The following EPHA6 variants were observed in gnomAD, a reference collection of about 807,000 sequenced individuals.
EPHA6 encodes ephrin type-A receptor 6.
EPHA6 carries 50 observed loss-of-function variants against 112.0 expected under a neutral mutation model. The ratio of observed to expected loss-of-function variants is 0.45; its 90% confidence interval spans 0.36 to 0.56. The LOEUF (loss-of-function observed/expected upper bound fraction) is 0.56. Ranked by LOEUF, EPHA6 falls within the 20% of genes least tolerant of loss-of-function variation. The pLI is 0.00. For missense variants in EPHA6, 1,280 were observed against 1,417.4 expected (o/e 0.90, Z 1.56); for synonymous variants, 529 against 490.7 (o/e 1.08, Z -1.03).
At chr3:97,722,299 G>A (rs891954946) in intron 15 of EPHA6, among the ~76,000 whole-genome samples, 6 of 152,136 alleles carry the variant, frequency 3.9e-5, no homozygotes, top group African/African-American at 1.4e-4. Flanking sequence ...ACTATTTAGT[G>A]AATGCCTTCT....
intron 5 of EPHA6, among the ~76,000 whole-genome samples, chr3:97,395,527 G>C (rs949521058): frequency 2.6e-5 from 4 of 151,776 alleles, no homozygotes; most frequent in Non-Finnish European, 5.9e-5. Flanking sequence ...AAGAAACACT[G>C]TTGTGTGCTT....
rs554367421 is a variant in EPHA6, at chr3:96,929,655, C to T, written c.451-57675C>T. Reference sequence around the variant, plus strand: ...GGCCTTTCTTTCTGGCTGCTCTTAACATTTTTTCTTTCATTTCAACCTTGA... The same window carrying T: ...GGCCTTTCTTTCTGGCTGCTCTTAATATTTTTTCTTTCATTTCAACCTTGA... On this transcript the variant is annotated intron_variant, in intron 2 of 17. Coordinates refer to ENST00000389672, the MANE Select transcript of EPHA6 (RefSeq NM_001080448.3). 1.0e-3 allele frequency among the ~76,000 whole-genome samples: 156 copies of T among 152,236 alleles called. 1 individual carries two copies. The highest frequency in any genetic ancestry group is 1.6e-3 in the Non-Finnish European group (110 of 68,024).
intron 8 of EPHA6, among the ~76,000 whole-genome samples, chr3:97,476,429 G>A (rs901058151): frequency 1.3e-5 from 2 of 152,032 alleles, no homozygotes; most frequent in African/African-American, 2.4e-5. Flanking sequence ...CACCAACCCT[G>A]CCAGAAAACA....
chr3:97,522,340 T>C (rs1023853905), intron 10 of EPHA6, among the ~76,000 whole-genome samples: 20 of 152,230 alleles, frequency 1.3e-4, no homozygotes, highest in African/African-American at 4.8e-4. Flanking sequence ...GTTAATACAG[T>C]GTGTCACATT....
intron 2 of EPHA6, among the ~76,000 whole-genome samples, chr3:96,977,885 A>G (rs1178379117): frequency 6.6e-6 from 1 of 152,168 alleles, no homozygotes; most frequent in Admixed American, 6.6e-5. Flanking sequence ...ATAGCTGGGC[A>G]TGCTGCCTCA....
At chr3:97,484,092 A>T (rs1560057375) in intron 10 of EPHA6, 33 bp downstream of exon 10, 2 of 1,568,674 alleles carry the variant, frequency 1.3e-6, no homozygotes, top group East Asian at 4.6e-5. Context: ...TGAACAAAAC[A>T]TTCCTTAATT....
intron 2 of EPHA6, among the ~76,000 whole-genome samples, chr3:96,944,665 A>G (rs558199644): frequency 2.7e-4 from 41 of 152,332 alleles, no homozygotes; most frequent in Non-Finnish European, 5.3e-4. Context: ...TCTCATCTGT[A>G]AAATAACTCG....
In EPHA6 at chr3:97,679,745, C is replaced by T. The variant is rs1222488997; in HGVS notation, c.2785-40516C>T. 3.9e-5 allele frequency among the ~76,000 whole-genome samples: 6 copies of T among 152,118 alleles called. No homozygotes were observed. The East Asian group carries it at 7.7e-4, about 20-fold the overall frequency. ...CTTCAATATACCAAAATACATTTCC[C>T]GGAAAAATTCTTCCCTGGGACACCC... On this transcript the variant is annotated intron_variant, in intron 14 of 17. Coordinates refer to ENST00000389672, the MANE Select transcript of EPHA6 (RefSeq NM_001080448.3).
chr3:97,080,205 T>C (rs1045356968), intron 3 of EPHA6, among the ~76,000 whole-genome samples: 1 of 152,120 alleles, frequency 6.6e-6, no homozygotes, highest in Non-Finnish European at 1.5e-5. Flanking sequence ...CGAAATAATG[T>C]AACCTTCCCA....
Position 97,648,500 on chromosome 3 carries a change from A to G in EPHA6, c.2784+10418A>G, listed in dbSNP as rs370888200. On this transcript the variant is annotated intron_variant, in intron 14 of 17. Transcript: ENST00000389672. ...ATTTAGGTGTTTGTGAATTGGCTTG[A>G]CTTTTTGAAGTTAATTTTTAAGCCT... is the stretch of plus-strand genomic sequence containing the variant. 309 of 1,294,988 alleles carry G rather than the reference A, an allele frequency of 2.4e-4. 1 individual carries two copies. The African/African-American group carries it at 4.1e-3, about 17-fold the overall frequency. The allele number at this position is 1,294,988 out of a possible 1,614,324, so 80.2% of individuals were successfully genotyped here. A position where few individuals can be genotyped will look rare whatever the true frequency, so the allele number is the denominator to read the frequency against.
intron 3 of EPHA6, among the ~76,000 whole-genome samples, chr3:97,154,840 T>G (rs994358470): frequency 7.2e-5 from 11 of 152,196 alleles, no homozygotes; most frequent in Non-Finnish European, 1.6e-4. Flanking sequence ...TTATATCAGA[T>G]GAAAGATGCC....
chr3:97,321,665 T>C (rs1398256493), intron 5 of EPHA6, among the ~76,000 whole-genome samples: 3 of 151,898 alleles, frequency 2.0e-5, no homozygotes, highest in East Asian at 3.9e-4. Context: ...TTTTTTAAAG[T>C]GACATTTACA....
At chr3:97,586,949 G>T (rs1163026592) in intron 11 of EPHA6, among the ~76,000 whole-genome samples, 1 of 152,178 alleles carries the variant, frequency 6.6e-6, no homozygotes, top group African/African-American at 2.4e-5. Context: ...GGATACTCAA[G>T]TATAAAGAAA....
chr3:97,509,063 T>C (rs1359731268), intron 10 of EPHA6, among the ~76,000 whole-genome samples: 3 of 145,960 alleles, frequency 2.1e-5, no homozygotes, highest in Non-Finnish European at 4.5e-5. Flanking sequence ...TCCCTTTACT[T>C]TGAGCCTGTG....
rs562435228 is a variant in EPHA6, at chr3:97,637,784, A to G, written c.2575-89A>G. ...TTGATGCTTATCTTCATTTGATCCA[A>G]TAAAATAAATATAAGGATCTTATTT... On this transcript the variant is annotated intron_variant, in intron 13 of 17. Coordinates refer to ENST00000389672, the MANE Select transcript of EPHA6 (RefSeq NM_001080448.3). 550 of 948,898 alleles carry G rather than the reference A, an allele frequency of 5.8e-4. 17 individuals are homozygous for G. In the South Asian group the frequency reaches 8.0e-3, roughly 14 times the overall value. The allele number at this position is 948,898 out of a possible 1,614,324, so 58.8% of individuals were successfully genotyped here.
At chr3:97,043,460 AAACCTTGCCAAGAAT>A (rs1298862405) in intron 3 of EPHA6, among the ~76,000 whole-genome samples, 1 of 152,118 alleles carries the variant, frequency 6.6e-6, no homozygotes, top group East Asian at 1.9e-4. Flanking sequence ...GAACCCTGGA[AAACCTTGCCAAGAAT>A]AAGGGCATTT....
At chr3:97,266,509 T>TA (rs148282035) in intron 5 of EPHA6, among the ~76,000 whole-genome samples, 10,678 of 150,566 alleles carry the variant, frequency 0.071, 848 homozygotes, top group Admixed American at 0.21. Flanking sequence ...AAATCGGGCT[T>TA]AAAAAAAAAA....
chr3:96,869,001 G>A (rs1454057326), intron 2 of EPHA6, among the ~76,000 whole-genome samples: 1 of 151,958 alleles, frequency 6.6e-6, no homozygotes, highest in African/African-American at 2.4e-5. Flanking sequence ...ATGGAAAAAG[G>A]ATGAATAGTC....
intron 14 of EPHA6, among the ~76,000 whole-genome samples, chr3:97,665,581 G>A (rs1012382327): frequency 1.3e-5 from 2 of 152,122 alleles, no homozygotes; most frequent in African/African-American, 4.8e-5. Flanking sequence ...GAAGGGTCAT[G>A]TATCCAAATT....
Sources: allele counts gnomAD v4.1 joint callset (sites outside exome capture counted in the v4.1 genomes callset), GRCh38; gene constraint gnomAD v4.1.1; transcripts MANE v1.5; gene names NCBI Gene and HGNC (gene_info 2026-07-23, HGNC 2026-07-21).